DAB1: variants seen among roughly 807,000 people sequenced by gnomAD.
DAB1 encodes disabled homolog 1.
DAB1 carries 15 observed loss-of-function variants against 64.6 expected under a neutral mutation model. The observed-to-expected ratio is 0.23, with a 90% CI of 0.16 to 0.36. The LOEUF (loss-of-function observed/expected upper bound fraction) is 0.36. Among genes scored for constraint, DAB1 ranks in the 10% least tolerant of loss-of-function variants. The pLI is 1.00. For missense variants in DAB1, 596 were observed against 706.7 expected, an observed-to-expected ratio of 0.84 and a Z score of 1.78; for synonymous variants, 235 against 251.9, an observed-to-expected ratio of 0.93 and a Z score of 0.64.
chr1:57,840,181 C>T (rs1309711999), intron 1 of DAB1, among the ~76,000 whole-genome samples: 1 of 152,022 alleles, frequency 6.6e-6, no homozygotes, highest in Non-Finnish European at 1.5e-5. Context: ...ATGCTGAAGC[C>T]ACATAGAAAT....
intron 6 of DAB1, among the ~76,000 whole-genome samples, chr1:57,772,508 A>G (rs1481452461): frequency 1.3e-5 from 2 of 152,086 alleles, no homozygotes; most frequent in East Asian, 1.9e-4. Flanking sequence ...CTATGTAAAG[A>G]TATATGTTTT....
chr1:57,246,591 G>T (rs1668896305), intron 2 of DAB1, among the ~76,000 whole-genome samples: 1 of 152,230 alleles, frequency 6.6e-6, no homozygotes, highest in Admixed American at 6.5e-5. Flanking sequence ...AGTCCTCAAT[G>T]AGACAATGCC....
At chr1:58,431,200 T>C (rs1472658034) in intron 3 of DAB1, among the ~76,000 whole-genome samples, 1 of 152,072 alleles carries the variant, frequency 6.6e-6, no homozygotes, top group Non-Finnish European at 1.5e-5. Flanking sequence ...CTGTGAATCA[T>C]GCTCCTAAAA....
intron 7 of DAB1, among the ~76,000 whole-genome samples, chr1:57,616,623 C>T (rs889829930): frequency 1.3e-5 from 2 of 152,094 alleles, no homozygotes; most frequent in African/African-American, 4.8e-5. Context: ...TCTATGGTTT[C>T]CTACAGATCA....
At chr1:57,684,145 T>C (rs72910574) in intron 6 of DAB1, among the ~76,000 whole-genome samples, 3,009 of 152,206 alleles carry the variant, frequency 0.02, 98 homozygotes, top group African/African-American at 0.068. Flanking sequence ...TTATGACTCA[T>C]TGATATTCCT....
At chr1:57,135,969 G>C (rs528270650) in intron 4 of DAB1, among the ~76,000 whole-genome samples, 1 of 152,154 alleles carries the variant, frequency 6.6e-6, no homozygotes, top group Non-Finnish European at 1.5e-5. Context: ...GAGCTCTGGG[G>C]ATGAATCTGG....
At chr1:57,046,786 A>C (rs1253913917) in intron 9 of DAB1, among the ~76,000 whole-genome samples, 1 of 152,244 alleles carries the variant, frequency 6.6e-6, no homozygotes, top group Non-Finnish European at 1.5e-5. Context: ...GCATCAGGGA[A>C]CCTGCATCTT....
Position 58,288,038 on chromosome 1 carries a change from A to AAAAAAAAAAAAAAAAAAAG in DAB1, n.309+55313_309+55314insCTTTTTTTTTTTTTTTTTT, listed in dbSNP as rs1557722959. 4.9e-5 allele frequency among the ~76,000 whole-genome samples: 6 copies of AAAAAAAAAAAAAAAAAAAG among 122,660 alleles called. 1 individual carries two copies. Among genetic ancestry groups the AAAAAAAAAAAAAAAAAAAG allele is most frequent in the Non-Finnish European group, 8.4e-5 (5 of 59,486 alleles). The allele number at this position is 122,660 out of a possible 152,430, so 80.5% of individuals were successfully genotyped here. On this transcript the variant is annotated intron_variant and non_coding_transcript_variant, in intron 4 of 20. Transcript: ENST00000485760. ...CTGCCTCAAAAAAAAAAAAAAAAAA[A>AAAAAAAAAAAAAAAAAAAG]AAAAAAAGAAAAAAAAGAGCAGCAA...
At chr1:57,153,815 T>C (rs564092592) in intron 2 of DAB1, among the ~76,000 whole-genome samples, 7 of 152,050 alleles carry the variant, frequency 4.6e-5, no homozygotes, top group Non-Finnish European at 4.4e-5. Flanking sequence ...TTTTTTTGTA[T>C]TTTTTAGTAG....
chr1:57,877,538 T>C lies in DAB1; in HGVS notation n.87+6461A>G, dbSNP rs529700920. On this transcript the variant is annotated intron_variant and non_coding_transcript_variant, in intron 1 of 1. Transcript: ENST00000477280. ...CTGCTTCATCTTTTAAAAATCCTAA[T>C]TGATTTATTTTTTTTTTTTTTTTTT... 2.7e-4 allele frequency among the ~76,000 whole-genome samples: 30 copies of C among 111,830 alleles called. 2 individuals are homozygous for C. In the South Asian group the frequency reaches 8.2e-3, roughly 30 times the overall value. The allele number at this position is 111,830 out of a possible 152,430, so 73.4% of individuals were successfully genotyped here.
chr1:57,450,117 C>CT lies in DAB1; in HGVS notation n.626-158952dup, dbSNP rs1426872641. ...TAAAGCTATTTATGCTTCTGAAATC[C>CT]TTTCTGTAAGGCACAAAGCCTTGCT... On this transcript the variant is annotated intron_variant and non_coding_transcript_variant, in intron 7 of 20. Coordinates refer to the DAB1 transcript ENST00000485760. Among the ~76,000 whole-genome samples, 11 of 152,268 alleles carry CT rather than the reference C, an allele frequency of 7.2e-5. No homozygotes were observed. The East Asian group carries it at 1.5e-3, about 21-fold the overall frequency.
At chr1:57,913,841 A>T (rs1250173293) in intron 5 of DAB1, among the ~76,000 whole-genome samples, 2 of 151,498 alleles carry the variant, frequency 1.3e-5, no homozygotes, top group African/African-American at 4.9e-5. Context: ...GACACATGAA[A>T]AAATGCTCAT....
At chr1:57,670,427 G>A (rs982173550) in intron 6 of DAB1, among the ~76,000 whole-genome samples, 3 of 152,144 alleles carry the variant, frequency 2.0e-5, no homozygotes, top group African/African-American at 7.2e-5. Context: ...GTGAGGTAGA[G>A]AAATGTGCTC....
chr1:57,949,098 G>T (rs1936414), intron 5 of DAB1, among the ~76,000 whole-genome samples: 57,752 of 151,700 alleles, frequency 0.38, 11,868 homozygotes, highest in Admixed American at 0.48. Flanking sequence ...TTAGTGTTAC[G>T]TTAAGCCAGC....
chr1:57,946,482 C>T (rs964567938), intron 5 of DAB1, among the ~76,000 whole-genome samples: 1 of 152,210 alleles, frequency 6.6e-6, no homozygotes, highest in Non-Finnish European at 1.5e-5. Context: ...TCCACCTTCT[C>T]TAATAGGATC....
chr1:57,291,476 A>G (rs1672769506), intron 1 of DAB1, among the ~76,000 whole-genome samples: 1 of 152,148 alleles, frequency 6.6e-6, no homozygotes, highest in Admixed American at 6.5e-5. Context: ...ACCAGAATAT[A>G]TAGCAAAGGT....
chr1:57,407,428 G>A (rs553341548), intron 1 of DAB1, among the ~76,000 whole-genome samples: 2 of 152,314 alleles, frequency 1.3e-5, no homozygotes, highest in East Asian at 3.9e-4. Flanking sequence ...ACTATCCTGA[G>A]GCATGTCCTT....
chr1:57,288,662 AGTC>A (rs1672529909), intron 2 of DAB1, among the ~76,000 whole-genome samples: 1 of 152,120 alleles, frequency 6.6e-6, no homozygotes, highest in Non-Finnish European at 1.5e-5. Flanking sequence ...TAAGCTGTCA[AGTC>A]TATGGTATTT....
chr1:57,210,919 TA>T (rs1385875899), intron 2 of DAB1, among the ~76,000 whole-genome samples: 1 of 152,224 alleles, frequency 6.6e-6, no homozygotes, highest in African/African-American at 2.4e-5. Flanking sequence ...CCATTAAAGT[TA>T]AAACATCAAT....
Sources: gnomAD v4.1 joint callset for allele counts (sites outside exome capture counted in the v4.1 genomes callset) on GRCh38, gnomAD v4.1.1 for gene constraint, MANE v1.5 for transcripts, NCBI Gene and HGNC (gene_info 2026-07-23, HGNC 2026-07-21) for gene names.